Variants in AGGF1 observed in about 807,000 individuals in gnomAD.
AGGF1 encodes the protein angiogenic factor with G-patch and FHA domains 1, also known as angiogenic factor with G patch and FHA domains 1.
Under a neutral mutation model 86.5 loss-of-function variants are expected in AGGF1, and 56 were observed. The ratio of observed to expected loss-of-function variants is 0.65; its 90% CI spans 0.52 to 0.81. AGGF1 has a LOEUF of 0.81. Ranked by LOEUF, AGGF1 falls within the 30% of genes least tolerant of loss-of-function variation. AGGF1 has a pLI of 0.00. For synonymous variants in AGGF1, 313 were observed against 297.1 expected, an observed-to-expected ratio of 1.05 and a Z score of -0.55; for missense variants, 816 against 850.9, an observed-to-expected ratio of 0.96 and a Z score of 0.51.
intron 1 of AGGF1, among the ~76,000 whole-genome samples, chr5:77,032,079 ATCAGACT>A (rs1746864542): frequency 6.6e-6 from 1 of 152,100 alleles, no homozygotes; most frequent in African/African-American, 2.4e-5. Flanking sequence ...CTGAAACGTC[ATCAGACT>A]TCTTTGTTTT....
At chr5:77,032,111 T>C (rs528666408) in intron 1 of AGGF1, among the ~76,000 whole-genome samples, 3 of 152,066 alleles carry the variant, frequency 2.0e-5, no homozygotes, top group Admixed American at 6.6e-5. Context: ...CCAAATGGAC[T>C]ATGAAAATAA....
At chr5:77,054,564 A>G (rs1257534534) in intron 10 of AGGF1, among the ~76,000 whole-genome samples, 1 of 152,210 alleles carries the variant, frequency 6.6e-6, no homozygotes, top group Non-Finnish European at 1.5e-5. Context: ...AATTGGTAAG[A>G]GAGTAGATTT....
Position 77,030,957 on chromosome 5 carries a change from A to G in AGGF1, c.191A>G (p.Asn64Ser). The G allele has an allele frequency of 1.2e-6, 2 of 1,612,474 alleles. No individual in the cohort carries two copies. Among genetic ancestry groups the G allele is most frequent in the Non-Finnish European group, 8.5e-7 (1 of 1,179,950 alleles). The change falls in exon 1 of 14, where the codon AAC (asparagine) becomes AGC (serine). Residue 64 changes from asparagine (N) to serine (S), a missense_variant. Asn to Ser is a conservative substitution (Grantham distance 46). Around this residue, in one of 3 missense-constraint regions of AGGF1, gnomAD observed 240 missense variants for 234.4 expected, o/e 1.02. Coordinates refer to ENST00000312916, the MANE Select transcript of AGGF1 (RefSeq NM_018046.5). ...ERLYQNAESNNQELRTQVEEL... is the reference protein window; with the variant it reads ...ERLYQNAESNSQELRTQVEEL... ...CTGTACCAGAACGCAGAAAGCAACA[A>G]CCAGGAGCTCCGCACGCAGGTGCGC...
rs996559198 is a variant in AGGF1, at chr5:77,064,264, C to T, written c.*1012C>T. 6.6e-6 allele frequency: 1 copy of T among 152,480 alleles called. No homozygotes were observed. The highest frequency in any genetic ancestry group is 1.5e-5 in the Non-Finnish European group (1 of 68,042). The allele number at this position is 152,480 out of a possible 1,614,324, so 9.4% of individuals were successfully genotyped here. A position where few individuals can be genotyped will look rare whatever the true frequency, so the allele number is the denominator to read the frequency against. Reference sequence around the variant, plus strand: ...CAGGTGTCACTGCTCTGCCACCTATCACTATTCTTTTTCTGTTCAGTTTTT... The same window carrying T: ...CAGGTGTCACTGCTCTGCCACCTATTACTATTCTTTTTCTGTTCAGTTTTT... On this transcript the variant is annotated 3_prime_UTR_variant, in exon 14 of 14. Coordinates refer to ENST00000312916, the MANE Select transcript of AGGF1 (RefSeq NM_018046.5).
chr5:77,051,245 A>G (rs1747367683), intron 8 of AGGF1, among the ~76,000 whole-genome samples: 1 of 152,064 alleles, frequency 6.6e-6, no homozygotes, highest in African/African-American at 2.4e-5. Flanking sequence ...CATCCTGGCT[A>G]ACACGGTGAA....
In AGGF1 at chr5:77,061,801, C is replaced by T. The variant is rs773138064; in HGVS notation, c.1943C>T (p.Pro648Leu). 17 of 1,609,626 alleles carry T rather than the reference C, an allele frequency of 1.1e-5. No individual in the cohort carries two copies. The highest frequency in any genetic ancestry group is 1.6e-4 in the Middle Eastern group (1 of 6,062). ...AAGGATGGTGGAGGAATGAAAACGC[C>T]GGTAAGACTTGGATTTTCTTTTATT... ...LGKDGGGMKT[P>L]IQLQLRRTHA... Residue 648 changes from proline to leucine, a missense_variant and splice_region_variant, in exon 13 of 14, where the codon CCG becomes CTG. This residue lies in a region of AGGF1 where 565 missense variants were observed against 585.8 expected (regional missense o/e 0.96). Coordinates refer to ENST00000312916, the MANE Select transcript of AGGF1 (RefSeq NM_018046.5).
rs1742752511 is a variant in AGGF1, at chr5:77,064,440, A to G, written c.*1188A>G. ...AAATAAAAATTATACAGTAGTAAAG[A>G]TAATTCAGAAAGAAAAAGCTACCTG... On this transcript the variant is annotated 3_prime_UTR_variant, in exon 14 of 14. Coordinates refer to ENST00000312916, the MANE Select transcript of AGGF1 (RefSeq NM_018046.5). 6.6e-6 allele frequency: 1 copy of G among 152,232 alleles called. No homozygotes were observed. Among genetic ancestry groups the G allele is most frequent in the Admixed American group, 6.5e-5 (1 of 15,286 alleles). 9.4% of individuals were successfully genotyped at this position (152,232 alleles called of 1,614,324 possible).
At chr5:77,047,666 A>C (rs1206750755) in intron 6 of AGGF1, among the ~76,000 whole-genome samples, 2 of 151,990 alleles carry the variant, frequency 1.3e-5, no homozygotes, top group African/African-American at 2.4e-5. Context: ...GGCGCATGTC[A>C]CCACGCACAC....
In AGGF1 at chr5:77,055,499, C is replaced by CT; in HGVS notation, c.1634-8dup. ...ATTTAGTGGCTTTTTTTTAACCAAA[C>CT]TTTTTTTCTTTCAGTTGGTCCAACA... is the stretch of plus-strand genomic sequence containing the variant. On this transcript the variant is annotated splice_polypyrimidine_tract_variant and intron_variant, in intron 10 of 13. Transcript: ENST00000312916. 1 of 1,566,348 alleles carries CT rather than the reference C, an allele frequency of 6.4e-7. No individual in the cohort carries two copies. Among genetic ancestry groups the CT allele is most frequent in the Admixed American group, 1.7e-5 (1 of 59,550 alleles).
chr5:77,036,502 T>A, intron 3 of AGGF1, 54 bp from the exon 4 acceptor site: 4 of 1,597,804 alleles, frequency 2.5e-6, no homozygotes, highest in African/African-American at 1.4e-5. Context: ...AGCCAACTTT[T>A]TAATTGATAT....
chr5:77,046,267 A>G, intron 5 of AGGF1, 80 bp from the exon 6 acceptor site: 1 of 1,224,936 alleles, frequency 8.2e-7, no homozygotes, highest in Non-Finnish European at 1.2e-6. Flanking sequence ...GAATTCGTTG[A>G]AACTTGATGT....
intron 5 of AGGF1, among the ~76,000 whole-genome samples, chr5:77,040,567 G>A (rs997537150): frequency 5.3e-5 from 8 of 152,082 alleles, no homozygotes; most frequent in African/African-American, 1.4e-4. Context: ...GCTTTCAGAT[G>A]GTACTTGTAA....
chr5:77,030,709 T>A lies in AGGF1; in HGVS notation c.-58T>A. On this transcript the variant is annotated 5_prime_UTR_variant, in exon 1 of 14. Coordinates refer to ENST00000312916, the MANE Select transcript of AGGF1 (RefSeq NM_018046.5). ...CCAGTGGTCTCTGGGTCCGCCGGCGTCCGTTTCGGCCTGAACGCAGCCCCT... is the reference window on the plus strand; with the variant it reads ...CCAGTGGTCTCTGGGTCCGCCGGCGACCGTTTCGGCCTGAACGCAGCCCCT... 1 of 1,527,878 alleles carries A rather than the reference T, an allele frequency of 6.5e-7. No homozygotes were observed. The highest frequency in any genetic ancestry group is 8.8e-7 in the Non-Finnish European group (1 of 1,139,846). The allele number at this position is 1,527,878 out of a possible 1,614,324, so 94.6% of individuals were successfully genotyped here.
intron 7 of AGGF1, among the ~76,000 whole-genome samples, chr5:77,048,517 G>A (rs1747311966): frequency 6.6e-6 from 1 of 151,984 alleles, no homozygotes; most frequent in Non-Finnish European, 1.5e-5. Flanking sequence ...ACGCCCAGCT[G>A]ATTTTTGTGT....
At chr5:77,054,375 T>C (rs552917096) in intron 10 of AGGF1, among the ~76,000 whole-genome samples, 1 of 152,348 alleles carries the variant, frequency 6.6e-6, no homozygotes, top group South Asian at 2.1e-4. Context: ...CCTAGGCTAA[T>C]AGATTATAAT....
intron 12 of AGGF1, 71 bp downstream of exon 12, chr5:77,059,814 C>A: frequency 6.3e-7 from 1 of 1,577,334 alleles, no homozygotes; most frequent in South Asian, 1.1e-5. Context: ...GTCTGATGTT[C>A]AGGGCTATAT....
Position 77,048,251 on chromosome 5 carries a change from T to C in AGGF1, c.1292T>C (p.Val431Ala). 1 of 1,608,990 alleles carries C rather than the reference T, an allele frequency of 6.2e-7. No individual in the cohort carries two copies. Among genetic ancestry groups the C allele is most frequent in the Non-Finnish European group, 8.5e-7 (1 of 1,175,492 alleles). The part of the protein sequence containing the change: ...QIGSLFIITA[V>A]NPATIGREKD... ...GGATCACTCTTTATCATTACTGCTGTAAACCCTGCTACAATTGGAAGGTAA... is the reference window on the plus strand; with the variant it reads ...GGATCACTCTTTATCATTACTGCTGCAAACCCTGCTACAATTGGAAGGTAA... Residue 431 changes from valine to alanine, a missense_variant, in exon 7 of 14, where the codon GTA (valine) becomes GCA (alanine). This residue lies in a region of AGGF1 where 565 missense variants were observed against 585.8 expected (regional missense o/e 0.96). Transcript: ENST00000312916.
At chr5:77,052,648 A>G in intron 8 of AGGF1, 58 bp from the exon 9 acceptor site, 2 of 1,235,832 alleles carry the variant, frequency 1.6e-6, no homozygotes, top group Admixed American at 3.7e-5. Flanking sequence ...TCATACAGAA[A>G]TTGTCCATAG....
At chr5:77,061,923 T>A in intron 13 of AGGF1, 121 bp downstream of exon 13, 1 of 887,914 alleles carries the variant, frequency 1.1e-6, no homozygotes, top group Non-Finnish European at 1.9e-6. Flanking sequence ...GAGACATGAT[T>A]ACTGCCTTTG....
Sources: gnomAD v4.1 joint callset for allele counts (sites outside exome capture counted in the v4.1 genomes callset) on GRCh38, gnomAD v4.1.1 for gene constraint, gnomAD v4.1.1 regional missense constraint, MANE v1.5 for transcripts, NCBI Gene and HGNC (gene_info 2026-07-23, HGNC 2026-07-21) for gene names.